CDK14: variants seen among roughly 807,000 people sequenced by gnomAD.
The protein encoded by CDK14 is cyclin-dependent kinase 14.
Under a neutral mutation model 60.7 loss-of-function variants are expected in CDK14, and 34 were observed. That is an observed-to-expected ratio of 0.56 (90% confidence interval 0.43 to 0.75). CDK14 has a LOEUF of 0.75. Among genes scored for constraint, CDK14 ranks in the 30% least tolerant of loss-of-function variants. CDK14 has a pLI of 0.00. For missense variants in CDK14, 482 were observed against 564.1 expected (o/e 0.85, Z 1.47); for synonymous variants, 197 against 203.7 (o/e 0.97, Z 0.28).
intron 4 of CDK14, among the ~76,000 whole-genome samples, chr7:90,751,767 G>T (rs1418401398): frequency 6.6e-6 from 1 of 152,166 alleles, no homozygotes; most frequent in Non-Finnish European, 1.5e-5. Context: ...CTATCTCTCT[G>T]CTGTTTTCAG....
chr7:90,761,959 A>T (rs190837385), intron 4 of CDK14, among the ~76,000 whole-genome samples: 16 of 152,344 alleles, frequency 1.1e-4, no homozygotes, highest in Non-Finnish European at 2.2e-4. Flanking sequence ...TGAGGGAGGC[A>T]GAAATTAATC....
intron 2 of CDK14, among the ~76,000 whole-genome samples, chr7:90,637,230 G>A (rs2116425288): frequency 6.6e-6 from 1 of 150,848 alleles, no homozygotes; most frequent in Admixed American, 6.6e-5. Flanking sequence ...TGATGTTAGG[G>A]TGTCAATTTT....
At chr7:91,155,449 T>G (rs1317079384) in intron 14 of CDK14, among the ~76,000 whole-genome samples, 3 of 152,242 alleles carry the variant, frequency 2.0e-5, no homozygotes, top group African/African-American at 4.8e-5. Flanking sequence ...CAAAACTTTC[T>G]TTGTGAATTT....
chr7:90,727,065 T>C (rs982010052), intron 3 of CDK14, among the ~76,000 whole-genome samples: 1 of 152,172 alleles, frequency 6.6e-6, no homozygotes, highest in African/African-American at 2.4e-5. Context: ...TAATTGTTTC[T>C]AGTTAGAGGA....
At position 91,073,732 on chromosome 7, in the gene CDK14, T is replaced by A. The variant is rs974470297; in HGVS notation, c.1106-5700T>A. Reference sequence around the variant, plus strand: ...AAACTGGATAAAGAATCAAAACCCATCGGTGTGCGGTACCCACGAGACCCA... The same window carrying A: ...AAACTGGATAAAGAATCAAAACCCAACGGTGTGCGGTACCCACGAGACCCA... On this transcript the variant is annotated intron_variant, in intron 11 of 14. Transcript: ENST00000380050. Among the ~76,000 whole-genome samples the A allele has an allele frequency of 1.1e-3, 161 of 150,830 alleles. 1 individual carries two copies. Among genetic ancestry groups the A allele is most frequent in the African/African-American group, 3.7e-3 (151 of 40,878 alleles).
chr7:91,027,403 G>A (rs559786297), intron 10 of CDK14, among the ~76,000 whole-genome samples: 1 of 152,148 alleles, frequency 6.6e-6, no homozygotes, highest in Non-Finnish European at 1.5e-5. Flanking sequence ...TGCCAGTGTT[G>A]TTAGGAGTGC....
At chr7:90,782,079 C>T (rs1349664863) in intron 4 of CDK14, among the ~76,000 whole-genome samples, 1 of 151,950 alleles carries the variant, frequency 6.6e-6, no homozygotes, top group Non-Finnish European at 1.5e-5. Context: ...TGTTTGTATC[C>T]TCTTTTATTT....
At chr7:91,179,541 G>A (rs7792239) in intron 14 of CDK14, among the ~76,000 whole-genome samples, 16,052 of 151,250 alleles carry the variant, frequency 0.11, 1,103 homozygotes, top group Admixed American at 0.23. Context: ...AGTGACTCAC[G>A]CCTGTAATCC....
chr7:90,600,313 T>C (rs1480706611), intron 1 of CDK14, among the ~76,000 whole-genome samples: 1 of 152,248 alleles, frequency 6.6e-6, no homozygotes, highest in Admixed American at 6.5e-5. Context: ...ATTTCCTCTT[T>C]TCTTTCTTGT....
intron 9 of CDK14, 132 bp downstream of exon 9, chr7:90,955,949 C>T: frequency 1.9e-6 from 2 of 1,046,014 alleles, no homozygotes; most frequent in Non-Finnish European, 2.8e-6. Context: ...GGCCATGCTG[C>T]TGGATGTTTT....
intron 10 of CDK14, among the ~76,000 whole-genome samples, chr7:91,004,211 G>A (rs147487163): frequency 1.4e-4 from 22 of 152,300 alleles, no homozygotes; most frequent in Admixed American, 1.2e-3. Context: ...AAACTGCGAT[G>A]AAATCAATAG....
At chr7:90,632,864 G>A (rs1294584949) in intron 2 of CDK14, among the ~76,000 whole-genome samples, 4 of 152,226 alleles carry the variant, frequency 2.6e-5, no homozygotes, top group African/African-American at 7.2e-5. Flanking sequence ...CGAGGTGGGC[G>A]GATCACCTGA....
intron 8 of CDK14, among the ~76,000 whole-genome samples, chr7:90,919,779 T>A (rs1207526252): frequency 6.6e-6 from 1 of 152,266 alleles, no homozygotes. Flanking sequence ...CAGTCTCTTA[T>A]TAATGAGCAT....
At chr7:90,908,220 T>C (rs921261698) in intron 7 of CDK14, among the ~76,000 whole-genome samples, 8 of 152,134 alleles carry the variant, frequency 5.3e-5, no homozygotes, top group East Asian at 1.9e-4. Context: ...TCAGCTCTTA[T>C]TGTGTTAGAC....
At chr7:91,086,698 C>T (rs1798652749) in intron 12 of CDK14, among the ~76,000 whole-genome samples, 2 of 151,764 alleles carry the variant, frequency 1.3e-5, no homozygotes, top group East Asian at 1.9e-4. Context: ...TATCTTAATT[C>T]TTAAGTTTTA....
chr7:90,984,069 T>G (rs1007116929), intron 9 of CDK14, 79 bp from the exon 10 acceptor site: 3 of 882,506 alleles, frequency 3.4e-6, no homozygotes, highest in African/African-American at 3.3e-5. Context: ...TCTGTAGGAG[T>G]GGATATTCTA....
At chr7:90,945,082 G>A (rs1192916094) in intron 8 of CDK14, among the ~76,000 whole-genome samples, 1 of 152,200 alleles carries the variant, frequency 6.6e-6, no homozygotes, top group Non-Finnish European at 1.5e-5. Context: ...CAGTTGGCTA[G>A]AACATAGAAA....
At chr7:90,880,500 T>C (rs1791711410) in intron 6 of CDK14, among the ~76,000 whole-genome samples, 1 of 152,180 alleles carries the variant, frequency 6.6e-6, no homozygotes. Context: ...ACTTAGCCTT[T>C]CCTCCTGGTA....
At chr7:91,100,476 C>T (rs3779586) in intron 12 of CDK14, among the ~76,000 whole-genome samples, 16,471 of 152,044 alleles carry the variant, frequency 0.11, 1,489 homozygotes, top group African/African-American at 0.24. Flanking sequence ...TTTAAATAAA[C>T]GAGGGCTCTT....
Sources: gnomAD v4.1 joint callset for allele counts (sites outside exome capture counted in the v4.1 genomes callset) on GRCh38, gnomAD v4.1.1 for gene constraint, MANE v1.5 for transcripts, NCBI Gene and HGNC (gene_info 2026-07-23, HGNC 2026-07-21) for gene names.